Variants in ZBTB7A observed in about 807,000 individuals in gnomAD.
ZBTB7A encodes the protein zinc finger and BTB domain containing 7A.
Under a neutral mutation model 26.7 loss-of-function variants are expected in ZBTB7A, and 7 were observed. The observed-to-expected ratio is 0.26, with a 90% CI of 0.15 to 0.49. The LOEUF (loss-of-function observed/expected upper bound fraction) is 0.49. Ranked by LOEUF, ZBTB7A falls within the 20% of genes least tolerant of loss-of-function variation. The pLI, the probability that ZBTB7A is intolerant of heterozygous loss-of-function variation, is 0.98. For missense variants in ZBTB7A, 617 were observed against 919.5 expected, an observed-to-expected ratio of 0.67 and a Z score of 4.25; for synonymous variants, 452 against 441.0, an observed-to-expected ratio of 1.02 and a Z score of -0.31.
Position 4,047,884 on chromosome 19 carries a change from C to T in ZBTB7A, c.1623G>A (p.Glu541=), listed in dbSNP as rs2040443286. ...GGCTGGCCACGTCCTCGTCCTCGTC[C>T]TCGTCCTTAAAGTGCTTCTCCTGGC... The part of the protein sequence containing the change: ...RNGQEKHFKD[E]DEDEDVASPD... Residue 541 remains glutamate, a synonymous_variant, in exon 3 of 3, where the codon GAG becomes GAA. Coordinates refer to ENST00000322357, the MANE Select transcript of ZBTB7A (RefSeq NM_015898.4). The T allele has an allele frequency of 4.4e-6, 7 of 1,597,664 alleles. No individual in the cohort carries two copies. The highest frequency in any genetic ancestry group is 6.0e-6 in the Non-Finnish European group (7 of 1,173,240).
At chr19:4,049,976 C>T (rs936599128) in intron 2 of ZBTB7A, among the ~76,000 whole-genome samples, 2 of 152,126 alleles carry the variant, frequency 1.3e-5, no homozygotes, top group Non-Finnish European at 1.5e-5. Flanking sequence ...CAGGCTTGAG[C>T]GCAGTGGTGT....
intron 2 of ZBTB7A, among the ~76,000 whole-genome samples, chr19:4,050,752 C>CAA (rs2040494642): frequency 6.6e-6 from 1 of 152,090 alleles, no homozygotes; most frequent in African/African-American, 2.4e-5. Context: ...TCACTTTCAC[C>CAA]AACTCTCTTT....
rs541093301 is a variant in ZBTB7A, at chr19:4,045,896, G to A, written c.*1856C>T. The A allele has an allele frequency of 6.8e-5, 27 of 398,624 alleles. No individual in the cohort carries two copies. The South Asian group carries it at 1.4e-3, about 21-fold the overall frequency. 24.7% of individuals were successfully genotyped at this position (398,624 alleles called of 1,614,324 possible). A position where few individuals can be genotyped will look rare whatever the true frequency, so the allele number is the denominator to read the frequency against. On this transcript the variant is annotated 3_prime_UTR_variant, in exon 3 of 3. Transcript: ENST00000322357. This position sits in a 1 kb window ranked among gnomAD's most constrained non-coding sequence, Gnocchi z 4.1. ...AGTGCCTTTGAGTAAAAAGAGGGGT[G>A]CCTGGGGTGGGGAGAGGGGCGGTGG...
intron 1 of ZBTB7A, 59 bp from the exon 2 acceptor site, chr19:4,055,306 C>G: frequency 7.0e-7 from 1 of 1,429,704 alleles, no homozygotes; most frequent in Admixed American, 3.0e-5. Context: ...TTCCTGTGCC[C>G]ACTGACAAGG....
Position 4,044,447 on chromosome 19 carries a change from A to G in ZBTB7A, c.*3305T>C, listed in dbSNP as rs1479241671. 6.7e-6 allele frequency: 1 copy of G among 150,248 alleles called. No individual in the cohort carries two copies. The highest frequency in any genetic ancestry group is 6.6e-5 in the Admixed American group (1 of 15,178). The allele number at this position is 150,248 out of a possible 1,614,324, so 9.3% of individuals were successfully genotyped here. ...TCGGGGGGCAGAGGCAGGTAGCAGC[A>G]ACAGCTAGTAGCAAAGATGCTTCTC... On this transcript the variant is annotated 3_prime_UTR_variant, in exon 3 of 3. Coordinates refer to ENST00000322357, the MANE Select transcript of ZBTB7A (RefSeq NM_015898.4).
At chr19:4,057,036 AAAAAAG>A (rs201055361) in intron 1 of ZBTB7A, among the ~76,000 whole-genome samples, 2,078 of 150,176 alleles carry the variant, frequency 0.014, 67 homozygotes, top group East Asian at 0.13. Flanking sequence ...GAAAAAAAAA[AAAAAAG>A]AAAAAGAAAA....
At chr19:4,062,422 G>A (rs1235929628) in intron 1 of ZBTB7A, among the ~76,000 whole-genome samples, 5 of 152,190 alleles carry the variant, frequency 3.3e-5, no homozygotes, top group Admixed American at 2.6e-4. Flanking sequence ...AGAGACCCAC[G>A]GTACGTGACG....
At chr19:4,061,477 A>C (rs918396865) in intron 1 of ZBTB7A, 3 of 152,012 alleles carry the variant, frequency 2.0e-5, no homozygotes, top group African/African-American at 7.3e-5. Flanking sequence ...GCCTGGGTTT[A>C]ATGGGACAGG....
chr19:4,063,910 T>A (rs2040664388), intron 1 of ZBTB7A, among the ~76,000 whole-genome samples: 1 of 152,042 alleles, frequency 6.6e-6, no homozygotes, highest in Non-Finnish European at 1.5e-5. Flanking sequence ...TGACCTCCCC[T>A]CCCGGCCTTG....
chr19:4,056,522 T>C (rs2040579847), intron 1 of ZBTB7A, among the ~76,000 whole-genome samples: 1 of 150,910 alleles, frequency 6.6e-6, no homozygotes, highest in Non-Finnish European at 1.5e-5. Flanking sequence ...AGGTCAGGAG[T>C]TCAAGACCAG....
chr19:4,049,210 G>A (rs202062377), intron 2 of ZBTB7A, among the ~76,000 whole-genome samples: 23,501 of 47,894 alleles, frequency 0.49, 7,205 homozygotes, highest in East Asian at 0.87. Context: ...ATATATATAT[G>A]TAAGTTTGAG....
At chr19:4,056,074 C>T (rs2040574085) in intron 1 of ZBTB7A, among the ~76,000 whole-genome samples, 1 of 151,920 alleles carries the variant, frequency 6.6e-6, no homozygotes, top group Non-Finnish European at 1.5e-5. Context: ...TCCTGCCTCC[C>T]CCAGCCTGTT....
rs901285954 is a variant in ZBTB7A at position 4,047,000 on chromosome 19, C to G, written c.*752G>C. The G allele has an allele frequency of 1.3e-5, 2 of 151,794 alleles. No individual in the cohort carries two copies. Among genetic ancestry groups the G allele is most frequent in the Admixed American group, 6.6e-5 (1 of 15,242 alleles). The allele number at this position is 151,794 out of a possible 1,614,324, so 9.4% of individuals were successfully genotyped here. On this transcript the variant is annotated 3_prime_UTR_variant, in exon 3 of 3. Transcript: ENST00000322357. ...TTGTAAGTGCCGTGAAGGAAGGCGG[C>G]AGGAGCACCCCCAGGAGCCATCCTG...
chr19:4,054,541 G>T lies in ZBTB7A; in HGVS notation c.692C>A (p.Thr231Lys). 1 of 1,455,894 alleles carries T rather than the reference G, an allele frequency of 6.9e-7. No homozygotes were observed. Among genetic ancestry groups the T allele is most frequent in the Non-Finnish European group, 9.0e-7 (1 of 1,115,204 alleles). The allele number at this position is 1,455,894 out of a possible 1,614,324, so 90.2% of individuals were successfully genotyped here. ...GPGPPAERPP[T>K]GDGDEGDSNP... ...GCTGTCGCCCTCGTCCCCGTCCCCC[G>T]TCGGGGGCCGCTCGGCCGGGGGGCC... The change falls in exon 2 of 3, where the codon ACG becomes AAG. Residue 231 changes from threonine to lysine, a missense_variant. Thr to Lys is a moderately conservative substitution (Grantham distance 78, BLOSUM62 -1). Coordinates refer to ENST00000322357, the MANE Select transcript of ZBTB7A (RefSeq NM_015898.4).
At chr19:4,063,875 C>A (rs1423283151) in intron 1 of ZBTB7A, among the ~76,000 whole-genome samples, 19 of 152,226 alleles carry the variant, frequency 1.2e-4, no homozygotes, top group Non-Finnish European at 2.9e-5. Flanking sequence ...CTTGCTCTAA[C>A]CTCCGGAGTT....
In ZBTB7A at chr19:4,054,120, C is replaced by T; in HGVS notation, c.1113G>A (p.Lys371=). Residue 371 remains lysine (K), a synonymous_variant, in exon 2 of 3, where the codon AAG becomes AAA. Coordinates refer to ENST00000322357, the MANE Select transcript of ZBTB7A (RefSeq NM_015898.4). ...CCTTGGCTCGGATCTTCTTCTCCAC[C>T]TTCTGCGACCAGGCCGGGTAGACGT... ...DGDVYPAWSQ[K]VEKKIRAKAF... 1.9e-6 allele frequency: 3 copies of T among 1,608,040 alleles called. No individual in the cohort carries two copies. The highest frequency in any genetic ancestry group is 1.1e-5 in the South Asian group (1 of 91,084).
chr19:4,065,573 C>T (rs182176102), intron 1 of ZBTB7A: 1 of 145,928 alleles, frequency 6.9e-6, no homozygotes, highest in Non-Finnish European at 1.5e-5. Context: ...GGCCAATCCC[C>T]ACCCGGGCTG....
rs371575653 is a variant in ZBTB7A at position 4,051,982 on chromosome 19, C to T, written c.1262+1989G>A. On this transcript the variant is annotated intron_variant, in intron 2 of 2. Transcript: ENST00000322357. ...TGCTGTGACTCAGAGGGGCCTCGGG[C>T]TCCCAGGCTTTTGGAGGGTGGAGGT... Among the ~76,000 whole-genome samples, 40 of 152,140 alleles carry T rather than the reference C, an allele frequency of 2.6e-4. 1 individual carries two copies. Among genetic ancestry groups the T allele is most frequent in the African/African-American group, 9.6e-4 (40 of 41,506 alleles).
At position 4,054,955 on chromosome 19, in the gene ZBTB7A, T is replaced by C. The variant is rs1000233927; in HGVS notation, c.278A>G (p.Tyr93Cys). 2 of 1,611,996 alleles carry C rather than the reference T, an allele frequency of 1.2e-6. No homozygotes were observed. The highest frequency in any genetic ancestry group is 1.7e-6 in the Non-Finnish European group (2 of 1,179,758). The change falls in exon 2 of 3, where the codon TAC becomes TGC. Residue 93 changes from tyrosine (Y) to cysteine (C), a missense_variant. This residue lies in a region of ZBTB7A where 82 missense variants were observed against 195.2 expected (regional missense o/e 0.42). Coordinates refer to ENST00000322357, the MANE Select transcript of ZBTB7A (RefSeq NM_015898.4). ...TGTGCTGACGGTGAGCGTGGCCGTGTAGGCGAAGTCCATGAGCGCGGTGAG... is the reference window on the plus strand; with the variant it reads ...TGTGCTGACGGTGAGCGTGGCCGTGCAGGCGAAGTCCATGAGCGCGGTGAG... ...EALTALMDFA[Y>C]TATLTVSTAN... is the part of the protein sequence containing the mutation.
Sources: allele counts gnomAD v4.1 joint callset (sites outside exome capture counted in the v4.1 genomes callset), GRCh38; gene constraint gnomAD v4.1.1; regional missense constraint gnomAD v4.1.1; non-coding constraint Gnocchi (gnomAD v3.1); transcripts MANE v1.5; gene names NCBI Gene and HGNC (gene_info 2026-07-23, HGNC 2026-07-21).